Variants in EPHA3 observed in about 807,000 individuals in gnomAD.
EPHA3 encodes EPH receptor A3.
A neutral mutation model predicts 107.1 loss-of-function variants in EPHA3; 42 were observed. The observed-to-expected ratio is 0.39, with a 90% CI of 0.31 to 0.51. The LOEUF is 0.51. Among genes scored for constraint, EPHA3 ranks in the 20% least tolerant of loss-of-function variants. EPHA3 has a pLI of 0.78. For synonymous variants in EPHA3, 461 were observed against 424.8 expected, an observed-to-expected ratio of 1.09 and a Z score of -1.05; for missense variants, 1,183 against 1,211.2, an observed-to-expected ratio of 0.98 and a Z score of 0.35.
intron 2 of EPHA3, among the ~76,000 whole-genome samples, chr3:89,130,333 CCT>C (rs1373473151): frequency 6.6e-6 from 1 of 152,122 alleles, no homozygotes; most frequent in Non-Finnish European, 1.5e-5. Flanking sequence ...CTGCCAGCTC[CCT>C]CTCTAACTTC....
chr3:89,280,316 A>G (rs1303754003), intron 3 of EPHA3, among the ~76,000 whole-genome samples: 1 of 152,156 alleles, frequency 6.6e-6, no homozygotes, highest in East Asian at 1.9e-4. Context: ...TCTGTTTACA[A>G]ATCTGTGCTT....
chr3:89,476,257 ACAG>A (rs1385220969), intron 16 of EPHA3, among the ~76,000 whole-genome samples: 1 of 148,112 alleles, frequency 6.8e-6, no homozygotes, highest in Non-Finnish European at 1.5e-5. Flanking sequence ...TATTGGGTTC[ACAG>A]ATACAGAATG....
rs141051008 is a variant in EPHA3, at chr3:89,188,159, C to T, written c.154-21701C>T. 5.6e-3 allele frequency among the ~76,000 whole-genome samples: 857 copies of T among 152,184 alleles called. 9 individuals are homozygous for T. Among genetic ancestry groups the T allele is most frequent in the Middle Eastern group, 0.02 (6 of 294 alleles). Reference sequence around the variant, plus strand: ...GGATACATTCTTGTTTGTAATTCCCCCTTTAATACCCACACATAATACTTC... The same window carrying T: ...GGATACATTCTTGTTTGTAATTCCCTCTTTAATACCCACACATAATACTTC... On this transcript the variant is annotated intron_variant, in intron 2 of 16. Transcript: ENST00000336596.
chr3:89,279,924 C>T (rs1705898543), intron 3 of EPHA3, among the ~76,000 whole-genome samples: 1 of 152,008 alleles, frequency 6.6e-6, no homozygotes, highest in Non-Finnish European at 1.5e-5. Context: ...CTTTATTAAA[C>T]ACATTAAGTT....
chr3:89,138,431 C>T (rs1445227752), intron 2 of EPHA3, among the ~76,000 whole-genome samples: 1 of 151,846 alleles, frequency 6.6e-6, no homozygotes, highest in East Asian at 1.9e-4. Flanking sequence ...ACTAAATAAA[C>T]AATGAATTAA....
At chr3:89,359,780 TACATATATATACATATATAC>T (rs1217532120) in intron 5 of EPHA3, among the ~76,000 whole-genome samples, 5 of 142,968 alleles carry the variant, frequency 3.5e-5, no homozygotes, top group Admixed American at 7.2e-5. Context: ...CACATATATA[TACATATATATACATATATAC>T]ACATATATAT....
chr3:89,230,790 TCTCTCTCTCTCTCTCC>T (rs1428331055), intron 3 of EPHA3, among the ~76,000 whole-genome samples: 2 of 1,042 alleles, frequency 1.9e-3, no homozygotes, highest in Admixed American at 0.019. Context: ...TACATATTTC[TCTCTCTCTCTCTCTCC>T]CTCTCTCTCT....
At position 89,466,885 on chromosome 3, in the gene EPHA3, A is replaced by G. The variant is rs567205543; in HGVS notation, c.2691-5579A>G. ...TCTCTCTTTTTTAATCTTAAAATCA[A>G]AACAGCTAATTTTACCACACGGAGG... On this transcript the variant is annotated intron_variant, in intron 15 of 16. Transcript: ENST00000336596. 1.5e-3 allele frequency among the ~76,000 whole-genome samples: 230 copies of G among 151,362 alleles called. 1 individual carries two copies. The highest frequency in any genetic ancestry group is 5.4e-3 in the African/African-American group (224 of 41,240).
intron 3 of EPHA3, among the ~76,000 whole-genome samples, chr3:89,326,098 T>G (rs1707160398): frequency 6.6e-6 from 1 of 151,288 alleles, no homozygotes; most frequent in South Asian, 2.1e-4. Context: ...GATCATTAAT[T>G]ATATATATTA....
intron 11 of EPHA3, among the ~76,000 whole-genome samples, chr3:89,423,203 C>A (rs1384420727): frequency 6.6e-6 from 1 of 151,402 alleles, no homozygotes; most frequent in Non-Finnish European, 1.5e-5. Context: ...TACCATGTAA[C>A]TTAAGTGTAA....
In EPHA3 at chr3:89,209,854, C is replaced by A. The variant is rs201901482; in HGVS notation, c.154-6C>A. On this transcript the variant is annotated splice_region_variant and splice_polypyrimidine_tract_variant and intron_variant, in intron 2 of 16. Transcript: ENST00000336596. ...CCTCACTCTCTGTTTCTCTTTGATT[C>A]TTCAGTGGGAAGAGATCAGTGGTGT... 512 of 1,575,778 alleles carry A rather than the reference C, an allele frequency of 3.2e-4. No homozygotes were observed. Among genetic ancestry groups the A allele is most frequent in the Non-Finnish European group, 4.0e-4 (462 of 1,160,720 alleles).
At chr3:89,197,416 A>G (rs1409266253) in intron 2 of EPHA3, among the ~76,000 whole-genome samples, 1 of 88,498 alleles carries the variant, frequency 1.1e-5, no homozygotes, top group African/African-American at 3.0e-5. Flanking sequence ...AACATAAAAA[A>G]AAACATAAAA....
Position 89,107,805 on chromosome 3 carries a change from C to A in EPHA3, c.57C>A (p.Phe19Leu), listed in dbSNP as rs746804156. The A allele has an allele frequency of 6.2e-7, 1 of 1,614,170 alleles. No individual in the cohort carries two copies. Among genetic ancestry groups the A allele is most frequent in the South Asian group, 1.1e-5 (1 of 91,084 alleles). Residue 19 changes from phenylalanine (F) to leucine (L), a missense_variant, in exon 1 of 17, where the codon TTC becomes TTA. Transcript: ENST00000336596. ...TCAGCTGCTCTGTTCTCGACAGCTT[C>A]GGGGAACTGATTCCGCAGCCTTCCA... ...LLLSCSVLDS[F>L]GELIPQPSNE...
At chr3:89,182,515 T>A (rs961325537) in intron 2 of EPHA3, among the ~76,000 whole-genome samples, 1 of 151,934 alleles carries the variant, frequency 6.6e-6, no homozygotes, top group African/African-American at 2.4e-5. Context: ...TCTATTCACT[T>A]TAGTGGAGAA....
At chr3:89,435,997 T>A (rs1709662987) in intron 13 of EPHA3, among the ~76,000 whole-genome samples, 1 of 151,066 alleles carries the variant, frequency 6.6e-6, no homozygotes, top group South Asian at 2.1e-4. Context: ...AAACATATAT[T>A]AGGCATGGAG....
intron 3 of EPHA3, among the ~76,000 whole-genome samples, chr3:89,233,294 G>GA (rs1034342662): frequency 2.0e-5 from 3 of 152,088 alleles, no homozygotes; most frequent in African/African-American, 7.2e-5. Flanking sequence ...GTGTGGAATA[G>GA]ATGCAATAAT....
At chr3:89,286,481 T>C (rs1706086634) in intron 3 of EPHA3, among the ~76,000 whole-genome samples, 1 of 152,070 alleles carries the variant, frequency 6.6e-6, no homozygotes, top group Non-Finnish European at 1.5e-5. Flanking sequence ...CTCCAGTAGT[T>C]AATTGAGAGA....
chr3:89,410,929 T>C (rs960604083), intron 9 of EPHA3, among the ~76,000 whole-genome samples: 5 of 151,966 alleles, frequency 3.3e-5, no homozygotes, highest in Admixed American at 1.3e-4. Context: ...CTCTCCCATC[T>C]GTATTTATAG....
At chr3:89,111,129 T>G (rs1707095776) in intron 1 of EPHA3, among the ~76,000 whole-genome samples, 1 of 152,048 alleles carries the variant, frequency 6.6e-6, no homozygotes. Context: ...TGCATTTCCC[T>G]AAATATAAAT....
Sources: gnomAD v4.1 joint callset for allele counts (sites outside exome capture counted in the v4.1 genomes callset) on GRCh38, gnomAD v4.1.1 for gene constraint, MANE v1.5 for transcripts, NCBI Gene and HGNC (gene_info 2026-07-23, HGNC 2026-07-21) for gene names.